XPO7: variants seen among roughly 807,000 people sequenced by gnomAD.
The protein encoded by XPO7 is exportin 7.
XPO7 carries 21 observed loss-of-function variants against 144.3 expected under a neutral mutation model. That is an observed-to-expected ratio of 0.15 (90% confidence interval 0.10 to 0.21). The LOEUF (loss-of-function observed/expected upper bound fraction) is 0.21. Ranked by LOEUF, XPO7 falls within the 10% of genes least tolerant of loss-of-function variation. The pLI is 1.00. For synonymous variants in XPO7, 580 were observed against 499.6 expected, an observed-to-expected ratio of 1.16 and a Z score of -2.15; for missense variants, 808 against 1,325.8, an observed-to-expected ratio of 0.61 and a Z score of 6.06.
At chr8:22,000,729 A>G (rs1427378831) in intron 24 of XPO7, among the ~76,000 whole-genome samples, 2 of 152,148 alleles carry the variant, frequency 1.3e-5, no homozygotes, top group Admixed American at 1.3e-4. Context: ...CTGGGATTAC[A>G]GGCATGAGCC....
At chr8:21,987,413 C>A in intron 14 of XPO7, 137 bp downstream of exon 14, 1 of 1,287,518 alleles carries the variant, frequency 7.8e-7, no homozygotes, top group Non-Finnish European at 1.1e-6. Flanking sequence ...TTCTCTTAGT[C>A]TTTAAATTCT....
At position 22,005,342 on chromosome 8, in the gene XPO7, C is replaced by T. The variant is rs1585490740; in HGVS notation, c.*254C>T. ...AGGAGATAAGAGATACAAACTGAGA[C>T]TCCAGCCTCTCCTCCTGGGGCCACC... On this transcript the variant is annotated 3_prime_UTR_variant, in exon 28 of 28. Coordinates refer to ENST00000252512, the MANE Select transcript of XPO7 (RefSeq NM_015024.5). 1 of 312,946 alleles carries T rather than the reference C, an allele frequency of 3.2e-6. No individual in the cohort carries two copies. The highest frequency in any genetic ancestry group is 5.1e-5 in the East Asian group (1 of 19,734). 19.4% of individuals were successfully genotyped at this position (312,946 alleles called of 1,614,324 possible).
At chr8:21,977,347 G>A (rs1169029598) in intron 7 of XPO7, among the ~76,000 whole-genome samples, 2 of 152,188 alleles carry the variant, frequency 1.3e-5, no homozygotes, top group Non-Finnish European at 2.9e-5. Flanking sequence ...TTGGGAGGCC[G>A]AGGCAGGCAG....
chr8:21,995,344 G>A, intron 20 of XPO7, 148 bp from the exon 21 acceptor site: 2 of 642,334 alleles, frequency 3.1e-6, no homozygotes, highest in Non-Finnish European at 5.3e-6. Context: ...GTATCTTCTG[G>A]TTAGAAAGAC....
Position 21,974,818 on chromosome 8 carries a change from G to T in XPO7, c.597+44G>T, listed in dbSNP as rs1189969801. ...TCATATTTCCCAGTTTCTTTTGAAA[G>T]AATGAGAATGGATGGGAACTTGTTA... On this transcript the variant is annotated intron_variant, in intron 6 of 27. Transcript: ENST00000252512. The T allele has an allele frequency of 2.1e-6, 3 of 1,436,676 alleles. No homozygotes were observed. In the African/African-American group the frequency reaches 4.3e-5, roughly 20 times the overall value. 89.0% of individuals were successfully genotyped at this position (1,436,676 alleles called of 1,614,324 possible). A position where few individuals can be genotyped will look rare whatever the true frequency, so the allele number is the denominator to read the frequency against.
rs763552210 is a variant in XPO7, at chr8:21,991,908, C to T, written c.2082C>T (p.Leu694=). The T allele has an allele frequency of 6.2e-7, 1 of 1,613,548 alleles. No individual in the cohort carries two copies. Among genetic ancestry groups the T allele is most frequent in the Non-Finnish European group, 8.5e-7 (1 of 1,179,790 alleles). The change falls in exon 19 of 28, where the codon CTC becomes CTT. Residue 694 remains leucine (L), a synonymous_variant. Transcript: ENST00000252512. ...EDQYEQFMLP[L]TAAFEAVAQM... ...AGTATGAGCAGTTCATGCTGCCACT[C>T]ACAGCAGCATTTGAGGCTGTGGCCC...
At chr8:21,981,380 A>G (rs896958264) in intron 9 of XPO7, among the ~76,000 whole-genome samples, 1 of 152,194 alleles carries the variant, frequency 6.6e-6, no homozygotes, top group South Asian at 2.1e-4. Context: ...ATAAGAAAAC[A>G]AGTCAGTCAC....
intron 5 of XPO7, 125 bp from the exon 6 acceptor site, chr8:21,974,545 G>A (rs1812166794): frequency 3.1e-6 from 2 of 645,414 alleles, no homozygotes; most frequent in Non-Finnish European, 5.2e-6. Context: ...TAATTTAAAT[G>A]TTAAAAATGT....
chr8:21,921,014 C>T (rs1027812116), intron 1 of XPO7, among the ~76,000 whole-genome samples: 5 of 152,000 alleles, frequency 3.3e-5, no homozygotes, highest in Non-Finnish European at 7.4e-5. Flanking sequence ...TCGGAGTGTG[C>T]GGGACAAGTT....
At chr8:21,972,751 A>T (rs1338134373) in intron 5 of XPO7, among the ~76,000 whole-genome samples, 1 of 152,184 alleles carries the variant, frequency 6.6e-6, no homozygotes, top group Non-Finnish European at 1.5e-5. Context: ...CTTAAGTTGG[A>T]AGCATATTAA....
chr8:22,000,453 A>ATTTT (rs34272523), intron 24 of XPO7, among the ~76,000 whole-genome samples: 33 of 128,722 alleles, frequency 2.6e-4, no homozygotes, highest in Non-Finnish European at 2.6e-4. Flanking sequence ...CCTTCCAACA[A>ATTTT]TTTTTTTTTT....
chr8:21,977,719 G>A (rs1196417690), intron 7 of XPO7, 51 bp from the exon 8 acceptor site: 13 of 1,547,598 alleles, frequency 8.4e-6, no homozygotes, highest in South Asian at 4.5e-5. Flanking sequence ...GTATGCCAGC[G>A]GCAATGTTCA....
At chr8:21,969,691 A>G in intron 3 of XPO7, 115 bp downstream of exon 3, 5 of 1,047,014 alleles carry the variant, frequency 4.8e-6, no homozygotes, top group Non-Finnish European at 6.9e-6. Context: ...TAACCATACA[A>G]AATGTCTAGA....
At chr8:21,961,910 G>A (rs1165243659) in intron 1 of XPO7, among the ~76,000 whole-genome samples, 1 of 152,172 alleles carries the variant, frequency 6.6e-6, no homozygotes, top group African/African-American at 2.4e-5. Flanking sequence ...TGATCTGCCC[G>A]CCTGAGCCTC....
chr8:21,970,018 C>A, intron 3 of XPO7, 126 bp from the exon 4 acceptor site: 2 of 1,066,460 alleles, frequency 1.9e-6, no homozygotes, highest in Non-Finnish European at 2.7e-6. Flanking sequence ...ATAATTAAGA[C>A]AGTTTGGGTT....
At chr8:21,974,177 C>G (rs1279836699) in intron 5 of XPO7, among the ~76,000 whole-genome samples, 1 of 151,978 alleles carries the variant, frequency 6.6e-6, no homozygotes, top group East Asian at 1.9e-4. Flanking sequence ...GCATGCACCA[C>G]CACACCGATT....
At chr8:21,983,546 A>C (rs1023276197) in intron 11 of XPO7, among the ~76,000 whole-genome samples, 2 of 152,210 alleles carry the variant, frequency 1.3e-5, no homozygotes, top group Non-Finnish European at 1.5e-5. Flanking sequence ...GACTTGAATC[A>C]GTTCAAAATC....
At chr8:21,941,183 G>T (rs920463476) in intron 1 of XPO7, among the ~76,000 whole-genome samples, 1 of 150,836 alleles carries the variant, frequency 6.6e-6, no homozygotes, top group Admixed American at 6.6e-5. Context: ...TGTCTTGCAG[G>T]CTGGAGTGCA....
At chr8:21,923,447 T>C (rs1219745026) in intron 1 of XPO7, among the ~76,000 whole-genome samples, 2 of 152,204 alleles carry the variant, frequency 1.3e-5, no homozygotes, top group Non-Finnish European at 2.9e-5. Context: ...ATGTGTGTAT[T>C]TTATTTCATT....
Sources: gnomAD v4.1 joint callset for allele counts (sites outside exome capture counted in the v4.1 genomes callset) on GRCh38, gnomAD v4.1.1 for gene constraint, MANE v1.5 for transcripts, NCBI Gene and HGNC (gene_info 2026-07-23, HGNC 2026-07-21) for gene names.